The following FGD4 variants were observed in gnomAD, a reference collection of about 807,000 sequenced individuals.
The protein encoded by FGD4 is FYVE, RhoGEF and PH domain containing 4.
FGD4 carries 42 observed loss-of-function variants against 102.0 expected under a neutral mutation model. The observed-to-expected ratio is 0.41, with a 90% confidence interval of 0.32 to 0.53. The LOEUF is 0.53. FGD4 is among the 20% of genes least tolerant of loss of function. The pLI, the probability that FGD4 is intolerant of heterozygous loss-of-function variation, is 0.21. For missense variants in FGD4, 902 were observed against 1,078.2 expected, an observed-to-expected ratio of 0.84 and a Z score of 2.29; for synonymous variants, 380 against 375.7, an observed-to-expected ratio of 1.01 and a Z score of -0.13.
chr12:32,486,912 A>G (rs952254802), intron 1 of FGD4, among the ~76,000 whole-genome samples: 1 of 152,226 alleles, frequency 6.6e-6, no homozygotes, highest in Non-Finnish European at 1.5e-5. Context: ...AGCTACTGTA[A>G]CATTTTGAGG....
intron 1 of FGD4, among the ~76,000 whole-genome samples, chr12:32,560,678 G>GACC (rs1218270403): frequency 2.0e-5 from 3 of 151,928 alleles, no homozygotes; most frequent in African/African-American, 4.8e-5. Flanking sequence ...GTCTGATGAG[G>GACC]ACCACCCCTG....
chr12:32,509,298 T>C (rs529130838), intron 1 of FGD4, among the ~76,000 whole-genome samples: 1 of 149,854 alleles, frequency 6.7e-6, no homozygotes, highest in Non-Finnish European at 1.5e-5. Flanking sequence ...AATAATAATA[T>C]AGGAAACGTA....
intron 1 of FGD4, among the ~76,000 whole-genome samples, chr12:32,550,518 T>A (rs775456085): frequency 2.0e-5 from 3 of 151,254 alleles, no homozygotes; most frequent in Non-Finnish European, 3.0e-5. Context: ...AAATATTTTT[T>A]AAAAATTAGC....
At chr12:32,570,677 G>A (rs761718626) in intron 2 of FGD4, among the ~76,000 whole-genome samples, 9 of 152,120 alleles carry the variant, frequency 5.9e-5, no homozygotes, top group Non-Finnish European at 1.3e-4. Context: ...CTGACCTCAG[G>A]TGAGCCACCT....
intron 4 of FGD4, among the ~76,000 whole-genome samples, chr12:32,586,190 TC>T (rs1947017537): frequency 6.6e-6 from 1 of 152,194 alleles, no homozygotes; most frequent in African/African-American, 2.4e-5. Context: ...CATATTTTTT[TC>T]CTGAAAACAT....
At chr12:32,481,256 G>T (rs1251395673) in intron 1 of FGD4, among the ~76,000 whole-genome samples, 1 of 150,508 alleles carries the variant, frequency 6.6e-6, no homozygotes, top group Non-Finnish European at 1.5e-5. Flanking sequence ...GGTTAACATG[G>T]TGAAACCCCG....
chr12:32,527,422 A>G (rs893644842), intron 1 of FGD4, among the ~76,000 whole-genome samples: 2 of 139,456 alleles, frequency 1.4e-5, no homozygotes, highest in East Asian at 2.0e-4. Context: ...GTTTCTTCCC[A>G]GAGCCTGGCC....
At chr12:32,507,234 C>T (rs1938863379) in intron 1 of FGD4, among the ~76,000 whole-genome samples, 1 of 152,082 alleles carries the variant, frequency 6.6e-6, no homozygotes, top group Non-Finnish European at 1.5e-5. Context: ...CCAATTTCAT[C>T]CATGTCCCTA....
At chr12:32,497,142 C>G (rs1937871766) in intron 1 of FGD4, among the ~76,000 whole-genome samples, 2 of 151,996 alleles carry the variant, frequency 1.3e-5, no homozygotes, top group African/African-American at 4.8e-5. Flanking sequence ...TTGGGCAAGT[C>G]CTGGAACAAC....
At chr12:32,512,105 T>C in intron 1 of FGD4, among the ~76,000 whole-genome samples, 1 of 152,196 alleles carries the variant, frequency 6.6e-6, no homozygotes, top group East Asian at 1.9e-4. Flanking sequence ...AAACAAATTC[T>C]GGTGAGTGAT....
intron 2 of FGD4, among the ~76,000 whole-genome samples, chr12:32,567,895 C>T (rs1945323506): frequency 6.6e-6 from 1 of 152,078 alleles, no homozygotes; most frequent in South Asian, 2.1e-4. Context: ...ACCATGTTGG[C>T]AAGGCTGGTC....
intron 1 of FGD4, among the ~76,000 whole-genome samples, chr12:32,429,859 G>GGTTTTGGCCTGCTTCTTACCAT (rs1941989093): frequency 6.6e-6 from 1 of 152,082 alleles, no homozygotes; most frequent in African/African-American, 2.4e-5. Flanking sequence ...GGTTTTGGTG[G>GGTTTTGGCCTGCTTCTTACCAT]GTTTTGGCCT....
chr12:32,563,330 G>C (rs1247707216), intron 1 of FGD4, among the ~76,000 whole-genome samples: 1 of 151,260 alleles, frequency 6.6e-6, no homozygotes, highest in African/African-American at 2.4e-5. Context: ...ACGGGGTCGC[G>C]GCCGGGCAGG....
intron 1 of FGD4, among the ~76,000 whole-genome samples, chr12:32,441,932 ATGCCTCAAAATTGT>A (rs1227986799): frequency 1.3e-5 from 2 of 151,904 alleles, no homozygotes; most frequent in Non-Finnish European, 2.9e-5. Flanking sequence ...ACTGAGTTCA[ATGCCTCAAAATTGT>A]TGTCTTCTCC....
At chr12:32,608,242 C>A (rs1227987269) in intron 8 of FGD4, 147 bp downstream of exon 8, 3 of 1,178,326 alleles carry the variant, frequency 2.5e-6, no homozygotes, top group Non-Finnish European at 3.7e-6. Flanking sequence ...GTTATCATCA[C>A]TTCAGTTAGG....
intron 1 of FGD4, among the ~76,000 whole-genome samples, chr12:32,517,250 G>A (rs1329258256): frequency 3.3e-5 from 5 of 152,150 alleles, no homozygotes; most frequent in Non-Finnish European, 1.5e-5. Flanking sequence ...AGGCGTCACA[G>A]GTGGATGATA....
rs995679086 is a variant in FGD4 at position 32,506,693 on chromosome 12, A to G, written c.167-57444A>G. 6.6e-6 allele frequency among the ~76,000 whole-genome samples: 1 copy of G among 152,152 alleles called. No individual in the cohort carries two copies. Among genetic ancestry groups the G allele is most frequent in the Non-Finnish European group, 1.5e-5 (1 of 68,036 alleles). ...TCACTGTCTTCATTGTTAACGTTGC[A>G]TTCATTCATCAGATATTTCTTGCAC... On this transcript the variant is annotated intron_variant, in intron 1 of 16. Coordinates refer to ENST00000534526, the MANE Select transcript of FGD4 (RefSeq NM_001370298.3). The surrounding 1 kb of genome is among the most constrained non-coding windows in gnomAD (Gnocchi z 4.5).
At chr12:32,449,565 G>T (rs930293539) in intron 1 of FGD4, among the ~76,000 whole-genome samples, 1 of 152,174 alleles carries the variant, frequency 6.6e-6, no homozygotes, top group Non-Finnish European at 1.5e-5. Flanking sequence ...CTGATGCTGT[G>T]TTCTAATTGC....
intron 1 of FGD4, among the ~76,000 whole-genome samples, chr12:32,503,117 G>C (rs1938370827): frequency 6.6e-6 from 1 of 152,254 alleles, no homozygotes; most frequent in South Asian, 2.1e-4. Flanking sequence ...AGGCAGCATT[G>C]TATCCCCTTC....
Sources: gnomAD v4.1 joint callset for allele counts (sites outside exome capture counted in the v4.1 genomes callset) on GRCh38, gnomAD v4.1.1 for gene constraint, Gnocchi (gnomAD v3.1) non-coding constraint, MANE v1.5 for transcripts, NCBI Gene and HGNC (gene_info 2026-07-23, HGNC 2026-07-21) for gene names.